Variants in EGFL7 observed in about 807,000 individuals in gnomAD.
EGFL7 encodes the protein epidermal growth factor-like protein 7.
Under a neutral mutation model 37.1 loss-of-function variants are expected in EGFL7, and 48 were observed. The ratio of observed to expected loss-of-function variants is 1.29; its 90% CI spans 1.03 to 1.65. EGFL7 has a LOEUF of 1.65. Ranked by LOEUF, EGFL7 falls within the 40% of genes most tolerant of loss-of-function variation. The probability of loss-of-function intolerance (pLI) is 0.00; values close to 1 mark genes in which losing one functional copy is unlikely to be tolerated. For synonymous variants in EGFL7, 180 were observed against 156.8 expected (o/e 1.15, Z -1.10); for missense variants, 384 against 378.9 (o/e 1.01, Z -0.11).
intron 3 of EGFL7, among the ~76,000 whole-genome samples, chr9:136,667,264 A>C (rs1845537436): frequency 6.6e-6 from 1 of 151,954 alleles, no homozygotes; most frequent in South Asian, 2.1e-4. Context: ...CTCTGCCCCG[A>C]CCCGAAGCCT....
At chr9:136,660,253 AC>A, upstream of EGFL7, 1 of 150,444 alleles carries the variant, frequency 6.6e-6, no homozygotes, top group Non-Finnish European at 1.5e-5. Flanking sequence ...TCCCCTGCCA[AC>A]CCCCCGCCCC....
At chr9:136,662,822 G>T (rs949726951), upstream of EGFL7, 1 of 152,254 alleles carries the variant, frequency 6.6e-6, no homozygotes, top group Non-Finnish European at 1.5e-5. Flanking sequence ...CGTTATCAGC[G>T]GAGAACACAC....
intron 3 of EGFL7, among the ~76,000 whole-genome samples, chr9:136,667,697 C>T (rs1845562538): frequency 6.6e-6 from 1 of 152,212 alleles, no homozygotes; most frequent in African/African-American, 2.4e-5. Flanking sequence ...TGTGCACCCT[C>T]CGCACGGTTC....
At position 136,666,487 on chromosome 9, in the gene EGFL7, GCCCC is replaced by G. The variant is rs570055387; in HGVS notation, c.-43+1707_-43+1710del. ...CCGGCACCCCTGGGTCGAGGCCGTG[GCCCC>G]CCCCGGGGAAATGGGGCTTGCAGCA... On this transcript the variant is annotated intron_variant, in intron 3 of 10. Transcript: ENST00000308874. This position sits in a 1 kb window ranked among gnomAD's most constrained non-coding sequence, Gnocchi z 6.8. Among the ~76,000 whole-genome samples, 6 of 151,742 alleles carry G rather than the reference GCCCC, an allele frequency of 4.0e-5. No homozygotes were observed. The East Asian group carries it at 1.2e-3, about 29-fold the overall frequency.
intron 7 of EGFL7, 47 bp from the exon 8 acceptor site, chr9:136,670,122 A>G (rs755091354): frequency 1.2e-6 from 2 of 1,611,352 alleles, no homozygotes; most frequent in Admixed American, 3.3e-5. Context: ...CTGTGTGGGC[A>G]GGACCCCTCC....
intron 5 of EGFL7, among the ~76,000 whole-genome samples, 199 bp from the exon 6 acceptor site, chr9:136,669,407 G>A (rs1006288941): frequency 8.5e-5 from 13 of 152,216 alleles, no homozygotes; most frequent in African/African-American, 3.1e-4. Context: ...TTCCTGCTGT[G>A]GCTTGAGTCC....
At chr9:136,670,415 C>T in intron 8 of EGFL7, 85 bp downstream of exon 8, 3 of 1,439,460 alleles carry the variant, frequency 2.1e-6, no homozygotes, top group Non-Finnish European at 2.8e-6. Context: ...GTGGGGGGCA[C>T]TGGAATCTGG....
rs1341512161 is a variant in EGFL7 at position 136,666,916 on chromosome 9, C to T, written c.-42-1325C>T. ...GCCCAAAAACTGCTGTGATGCCCCC[C>T]CTGCCCCCAAGCTAAGTCCCCACCC... On this transcript the variant is annotated intron_variant, in intron 3 of 10. Coordinates refer to ENST00000308874, the MANE Select transcript of EGFL7 (RefSeq NM_016215.5). The surrounding 1 kb of genome is among the most constrained non-coding windows in gnomAD (Gnocchi z 6.8). Among the ~76,000 whole-genome samples the T allele has an allele frequency of 6.6e-6, 1 of 152,154 alleles. No homozygotes were observed. The highest frequency in any genetic ancestry group is 1.5e-5 in the Non-Finnish European group (1 of 68,006).
At chr9:136,670,370 A>G in intron 8 of EGFL7, 40 bp downstream of exon 8, 1 of 1,509,854 alleles carries the variant, frequency 6.6e-7, no homozygotes. Context: ...GGAGGCGGGC[A>G]GGCAGTGGAC....
At position 136,670,183 on chromosome 9, in the gene EGFL7, A is replaced by C; in HGVS notation, c.424A>C (p.Ser142Arg). 6.2e-7 allele frequency: 1 copy of C among 1,612,744 alleles called. No individual in the cohort carries two copies. The highest frequency in any genetic ancestry group is 1.3e-5 in the African/African-American group (1 of 75,056). The change falls in exon 8 of 11, where the codon AGT (serine) becomes CGT (arginine). Residue 142 changes from serine to arginine, a missense_variant. Physicochemically the swap from Ser to Arg is moderately radical, Grantham distance 110 (BLOSUM62 -1). Coordinates refer to ENST00000308874, the MANE Select transcript of EGFL7 (RefSeq NM_016215.5). ...DTCQSDVDEC[S>R]ARRGGCPQRC... is the part of the protein sequence containing the mutation. ...GTTTCCTGCAGATGTGGATGAATGC[A>C]GTGCTAGGAGGGGCGGCTGTCCCCA... is the stretch of plus-strand genomic sequence containing the variant.
At chr9:136,664,942 C>A (rs1187031808) in intron 3 of EGFL7, among the ~76,000 whole-genome samples, 157 bp downstream of exon 3, 2 of 152,266 alleles carry the variant, frequency 1.3e-5, no homozygotes, top group Non-Finnish European at 1.5e-5. Flanking sequence ...ACAGCTGTAA[C>A]AATTGTTGTG....
chr9:136,661,089 G>A (rs2119062724), upstream of EGFL7, among the ~76,000 whole-genome samples: 1 of 152,316 alleles, frequency 6.6e-6, no homozygotes, highest in Admixed American at 6.5e-5. Flanking sequence ...CCTATACGGT[G>A]GAGTAGCTAA....
chr9:136,672,422 C>T lies in EGFL7; in HGVS notation c.*136C>T. On this transcript the variant is annotated 3_prime_UTR_variant, in exon 11 of 11. Coordinates refer to ENST00000308874, the MANE Select transcript of EGFL7 (RefSeq NM_016215.5). ...GCCAGGCAGGGCCTTCCTCCTCTTCCTCCTCCCCTTCCTCGGGAGGCTCCC... is the reference window on the plus strand; with the variant it reads ...GCCAGGCAGGGCCTTCCTCCTCTTCTTCCTCCCCTTCCTCGGGAGGCTCCC... The T allele has an allele frequency of 2.8e-6, 3 of 1,052,874 alleles. No homozygotes were observed. The highest frequency in any genetic ancestry group is 4.3e-6 in the Non-Finnish European group (3 of 701,104). The allele number at this position is 1,052,874 out of a possible 1,614,324, so 65.2% of individuals were successfully genotyped here.
intron 7 of EGFL7, 31 bp from the exon 8 acceptor site, chr9:136,670,138 G>T (rs771488120): frequency 6.2e-7 from 1 of 1,612,462 alleles, no homozygotes; most frequent in East Asian, 2.2e-5. Context: ...CCTCCCGCAG[G>T]CATGGCCGCC....
Position 136,666,361 on chromosome 9 carries a change from G to A in EGFL7, c.-43+1576G>A, listed in dbSNP as rs949007123. ...CGGACCCGGCCTCTCGCGGGTGGGG[G>A]CTGCGGGGCTGCTGCCGGGCAGGTG... On this transcript the variant is annotated intron_variant, in intron 3 of 10. Coordinates refer to ENST00000308874, the MANE Select transcript of EGFL7 (RefSeq NM_016215.5). This position sits in a 1 kb window ranked among gnomAD's most constrained non-coding sequence, Gnocchi z 6.8. Among the ~76,000 whole-genome samples, 3 of 151,772 alleles carry A rather than the reference G, an allele frequency of 2.0e-5. No individual in the cohort carries two copies. Among genetic ancestry groups the A allele is most frequent in the South Asian group, 4.1e-4 (2 of 4,828 alleles).
chr9:136,668,584 C>G lies in EGFL7; in HGVS notation c.108C>G (p.His36Gln). The stretch of plus-strand genomic sequence containing the variant: ...GTAGGGTGTGTGCTGTCCGGGCTCA[C>G]GGGGACCCTGTCTCCGAGTCGTTCG... ...PGRRVCAVRA[H>Q]GDPVSESFVQ... The change falls in exon 5 of 11, where the codon CAC becomes CAG. Residue 36 changes from histidine (H) to glutamine (Q), a missense_variant. Physicochemically the swap from His to Gln is conservative, Grantham distance 24. Coordinates refer to ENST00000308874, the MANE Select transcript of EGFL7 (RefSeq NM_016215.5). 6.2e-7 allele frequency: 1 copy of G among 1,609,110 alleles called. No homozygotes were observed. Among genetic ancestry groups the G allele is most frequent in the South Asian group, 1.1e-5 (1 of 91,086 alleles).
chr9:136,670,958 A>G lies in EGFL7; in HGVS notation c.580A>G (p.Ser194Gly), dbSNP rs372189115. 4 of 1,468,082 alleles carry G rather than the reference A, an allele frequency of 2.7e-6. No homozygotes were observed. Among genetic ancestry groups the G allele is most frequent in the Non-Finnish European group, 2.7e-6 (3 of 1,103,570 alleles). 90.9% of individuals were successfully genotyped at this position (1,468,082 alleles called of 1,614,324 possible). A position where few individuals can be genotyped will look rare whatever the true frequency, so the allele number is the denominator to read the frequency against. ...CCTGGCTCTGCCCGCAGGAGTGGACAGTGCAATGAAGGAAGAAGTGCAGAG... is the reference window on the plus strand; with the variant it reads ...CCTGGCTCTGCCCGCAGGAGTGGACGGTGCAATGAAGGAAGAAGTGCAGAG... ...RVAPNPTGVD[S>G]AMKEEVQRLQ... The change falls in exon 9 of 11, where the codon AGT (serine) becomes GGT (glycine). Residue 194 changes from serine to glycine, a missense_variant. By Grantham distance (56) the Ser-to-Gly change is moderately conservative. Transcript: ENST00000308874.
At chr9:136,659,909 C>G (rs530736785), upstream of EGFL7, among the ~76,000 whole-genome samples, 1 of 152,196 alleles carries the variant, frequency 6.6e-6, no homozygotes. Context: ...CAGGTCTCCC[C>G]CTCTGTGCTG....
In EGFL7 at chr9:136,668,257, G is replaced by A. The variant is rs1364905058; in HGVS notation, c.-26G>A. Reference sequence around the variant, plus strand: ...GTGCCCCAGGCCACCCAGAGGAGAAGGCCACCCCGCCTGGAGGCACAGGCC... The same window carrying A: ...GTGCCCCAGGCCACCCAGAGGAGAAAGCCACCCCGCCTGGAGGCACAGGCC... On this transcript the variant is annotated 5_prime_UTR_variant, in exon 4 of 11. Transcript: ENST00000308874. 5.0e-6 allele frequency: 8 copies of A among 1,584,396 alleles called. No individual in the cohort carries two copies. Among genetic ancestry groups the A allele is most frequent in the African/African-American group, 1.3e-5 (1 of 74,360 alleles).
Sources: gnomAD v4.1 joint callset for allele counts (sites outside exome capture counted in the v4.1 genomes callset) on GRCh38, gnomAD v4.1.1 for gene constraint, Gnocchi (gnomAD v3.1) non-coding constraint, MANE v1.5 for transcripts, NCBI Gene and HGNC (gene_info 2026-07-23, HGNC 2026-07-21) for gene names.